The following PTPRQ variants were observed in gnomAD, a reference collection of about 807,000 sequenced individuals.
PTPRQ encodes the protein protein tyrosine phosphatase receptor type Q, also known as phosphatidylinositol phosphatase PTPRQ.
PTPRQ carries 199 observed loss-of-function variants against 246.0 expected under a neutral mutation model. The observed-to-expected ratio is 0.81, with a 90% CI of 0.72 to 0.91. The LOEUF (loss-of-function observed/expected upper bound fraction) is 0.91. Among genes scored for constraint, PTPRQ ranks in the 40% least tolerant of loss-of-function variants. The pLI, the probability that PTPRQ is intolerant of heterozygous loss-of-function variation, is 0.00. For missense variants in PTPRQ, 2,624 were observed against 2,528.4 expected, an observed-to-expected ratio of 1.04 and a Z score of -0.81; for synonymous variants, 869 against 853.2, an observed-to-expected ratio of 1.02 and a Z score of -0.32.
rs1263256376 is a variant in PTPRQ, at chr12:80,493,345, C to T, written c.1430C>T (p.Ser477Leu). ...VEPMVGLYEG[S>L]AEMSSDLHSL... ...CCAATGGTAGGATTATATGAGGGTT[C>T]AGCAGAGATGTCGTCTGACCTTCAC... Residue 477 changes from serine to leucine, a missense_variant, in exon 10 of 45, where the codon TCA (serine) becomes TTA (leucine). Physicochemically the swap from Ser to Leu is moderately radical, Grantham distance 145. Transcript: ENST00000644991. The T allele has an allele frequency of 1.3e-6, 2 of 1,549,850 alleles. No individual in the cohort carries two copies. Among genetic ancestry groups the T allele is most frequent in the Admixed American group, 2.0e-5 (1 of 50,898 alleles).
At chr12:80,619,604 A>G in intron 31 of PTPRQ, 62 bp downstream of exon 31, 2 of 1,314,468 alleles carry the variant, frequency 1.5e-6, no homozygotes, top group Non-Finnish European at 2.0e-6. Context: ...AGTGCTAAAA[A>G]GAATTTAGTT....
rs1899585232 is a variant in PTPRQ, at chr12:80,634,926, T to C, written c.5787-19T>C. 6.5e-7 allele frequency: 1 copy of C among 1,548,146 alleles called. No homozygotes were observed. Among genetic ancestry groups the C allele is most frequent in the South Asian group, 1.2e-5 (1 of 83,236 alleles). ...TTTGTGTGAAACTCCCTTCTTGGACTTTACTCCGCTTGTTTTAGAATTCGA... is the reference window on the plus strand; with the variant it reads ...TTTGTGTGAAACTCCCTTCTTGGACCTTACTCCGCTTGTTTTAGAATTCGA... On this transcript the variant is annotated intron_variant, in intron 34 of 44. Coordinates refer to ENST00000644991, the MANE Select transcript of PTPRQ (RefSeq NM_001145026.2).
intron 35 of PTPRQ, among the ~76,000 whole-genome samples, chr12:80,636,371 C>A (rs1252600569): frequency 6.6e-6 from 1 of 152,136 alleles, no homozygotes; most frequent in African/African-American, 2.4e-5. Context: ...AAAACCATAT[C>A]ATAGGAACAC....
At chr12:80,595,123 C>T (rs974148231) in intron 26 of PTPRQ, among the ~76,000 whole-genome samples, 6 of 152,022 alleles carry the variant, frequency 3.9e-5, no homozygotes, top group East Asian at 3.9e-4. Context: ...GCTTTGTTTT[C>T]GCTATGTTTT....
chr12:80,589,228 G>T (rs1215690728), intron 26 of PTPRQ, among the ~76,000 whole-genome samples: 2 of 152,082 alleles, frequency 1.3e-5, no homozygotes, highest in African/African-American at 2.4e-5. Context: ...ACATAGAATT[G>T]TGATGGTTAC....
At chr12:80,512,975 G>A (rs1039112805) in intron 17 of PTPRQ, among the ~76,000 whole-genome samples, 1 of 152,098 alleles carries the variant, frequency 6.6e-6, no homozygotes, top group Non-Finnish European at 1.5e-5. Context: ...ACCTCTAGGG[G>A]GAGCATGCAG....
intron 3 of PTPRQ, among the ~76,000 whole-genome samples, chr12:80,453,215 A>G (rs920784074): frequency 2.0e-5 from 3 of 152,184 alleles, no homozygotes; most frequent in African/African-American, 7.2e-5. Context: ...TTTCAGCTCC[A>G]TCAGCTCCTT....
intron 8 of PTPRQ, among the ~76,000 whole-genome samples, chr12:80,483,987 T>TTTTGTTTGTTTGTTTG (rs71094983): frequency 1.3e-5 from 2 of 149,222 alleles, no homozygotes; most frequent in Non-Finnish European, 3.0e-5. Context: ...CTTTCTTGTT[T>TTTTGTTTGTTTGTTTG]TTTGTTTGTT....
Position 80,617,257 on chromosome 12 carries a change from T to A in PTPRQ, c.5230+991T>A, listed in dbSNP as rs1045460644. ...ACTAACTTTGAGGATTAAAAGAGAA[T>A]CTGAAAAAACCCTTAAGACCCCTGC... On this transcript the variant is annotated intron_variant, in intron 30 of 44. Transcript: ENST00000644991. Among the ~76,000 whole-genome samples, 5 of 151,086 alleles carry A rather than the reference T, an allele frequency of 3.3e-5. No individual in the cohort carries two copies. In the Admixed American group the frequency reaches 3.3e-4, roughly 10 times the overall value.
chr12:80,460,493 A>C (rs1297923012), intron 5 of PTPRQ, among the ~76,000 whole-genome samples, 160 bp from the exon 6 acceptor site: 1 of 152,230 alleles, frequency 6.6e-6, no homozygotes, highest in Admixed American at 6.5e-5. Context: ...CTGCAGACAT[A>C]AATGGGTACA....
intron 2 of PTPRQ, among the ~76,000 whole-genome samples, chr12:80,445,240 G>C (rs1020937319): frequency 1.3e-4 from 19 of 151,870 alleles, no homozygotes; most frequent in Admixed American, 9.9e-4. Flanking sequence ...TTTTAAAAAT[G>C]ATTTGGCAAC....
At chr12:80,456,267 C>G (rs1004972179) in intron 3 of PTPRQ, among the ~76,000 whole-genome samples, 1 of 151,816 alleles carries the variant, frequency 6.6e-6, no homozygotes, top group African/African-American at 2.4e-5. Context: ...TTAAAGAACA[C>G]GATCAGAACT....
intron 8 of PTPRQ, among the ~76,000 whole-genome samples, chr12:80,482,769 G>GA (rs1412712352): frequency 1.3e-5 from 2 of 151,012 alleles, no homozygotes; most frequent in African/African-American, 2.5e-5. Flanking sequence ...AAAGACACAT[G>GA]AAAAAATGCT....
chr12:80,480,358 G>A (rs1893994280), intron 8 of PTPRQ, among the ~76,000 whole-genome samples: 1 of 151,930 alleles, frequency 6.6e-6, no homozygotes, highest in African/African-American at 2.4e-5. Flanking sequence ...AGAATATCTG[G>A]GACGCATTCA....
At position 80,506,058 on chromosome 12, in the gene PTPRQ, A is replaced by C. The variant is rs1330778988; in HGVS notation, c.2307A>C (p.Lys769Asn). Residue 769 changes from lysine to asparagine, a missense_variant, in exon 15 of 45, where the codon AAA (lysine) becomes AAC (asparagine). By Grantham distance (94) the Lys-to-Asn change is moderately conservative. Transcript: ENST00000644991. ...GTGCACCAGAAAATATCACTTACAA[A>C]AATATTTCTTCTGGAGAGATTGAGC... ...PDSAPENITYKNISSGEIELS... is the reference protein window; with the variant it reads ...PDSAPENITYNNISSGEIELS... 6.5e-6 allele frequency: 10 copies of C among 1,546,958 alleles called. No individual in the cohort carries two copies. The African/African-American group carries it at 1.4e-4, about 21-fold the overall frequency.
intron 26 of PTPRQ, among the ~76,000 whole-genome samples, chr12:80,589,402 C>T (rs1019976282): frequency 4.6e-5 from 7 of 152,168 alleles, no homozygotes; most frequent in African/African-American, 1.7e-4. Flanking sequence ...CTTATGTTAT[C>T]ATCTTCCTAT....
chr12:80,639,053 G>C (rs1592746788), intron 35 of PTPRQ, among the ~76,000 whole-genome samples: 1 of 152,268 alleles, frequency 6.6e-6, no homozygotes, highest in Non-Finnish European at 1.5e-5. Context: ...GTTTCTTAGA[G>C]CTCTTATTGG....
At chr12:80,667,042 C>G (rs186187768) in intron 39 of PTPRQ, among the ~76,000 whole-genome samples, 1 of 152,070 alleles carries the variant, frequency 6.6e-6, no homozygotes, top group East Asian at 1.9e-4. Flanking sequence ...CTGTGTCATT[C>G]AGAGTAAAAA....
intron 6 of PTPRQ, among the ~76,000 whole-genome samples, chr12:80,465,743 A>G (rs368133407): frequency 0.11 from 16,198 of 152,110 alleles, 1,205 homozygotes; most frequent in African/African-American, 0.21. Flanking sequence ...AAACAGAACC[A>G]AAGACAAAAA....
Sources: allele counts gnomAD v4.1 joint callset (sites outside exome capture counted in the v4.1 genomes callset), GRCh38; gene constraint gnomAD v4.1.1; transcripts MANE v1.5; gene names NCBI Gene and HGNC (gene_info 2026-07-23, HGNC 2026-07-21).